FARS2: variants seen among roughly 807,000 people sequenced by gnomAD.
The protein encoded by FARS2 is phenylalanine--tRNA ligase, mitochondrial.
FARS2 carries 40 observed loss-of-function variants against 46.4 expected under a neutral mutation model. The ratio of observed to expected loss-of-function variants is 0.86; its 90% CI spans 0.67 to 1.12. The LOEUF is 1.12. Ranked by LOEUF, FARS2 falls within the 50% of genes most tolerant of loss-of-function variation. The pLI, the probability that FARS2 is intolerant of heterozygous loss-of-function variation, is 0.00. For synonymous variants in FARS2, 234 were observed against 214.9 expected, an observed-to-expected ratio of 1.09 and a Z score of -0.78; for missense variants, 513 against 567.9, an observed-to-expected ratio of 0.90 and a Z score of 0.98.
intron 1 of FARS2, among the ~76,000 whole-genome samples, chr6:5,351,692 G>A (rs2127606937): frequency 6.6e-6 from 1 of 152,238 alleles, no homozygotes; most frequent in Non-Finnish European, 1.5e-5. Context: ...TTTTTTTATA[G>A]CATAAGACAC....
At chr6:5,377,984 C>T (rs1759490637) in intron 2 of FARS2, among the ~76,000 whole-genome samples, 1 of 152,078 alleles carries the variant, frequency 6.6e-6, no homozygotes, top group Non-Finnish European at 1.5e-5. Context: ...ATAAATATTA[C>T]ATAATTAATA....
In FARS2 at chr6:5,586,300, G is replaced by A. The variant is rs544126022; in HGVS notation, c.1066-26869G>A. Among the ~76,000 whole-genome samples the A allele has an allele frequency of 3.9e-5, 6 of 152,194 alleles. No homozygotes were observed. In the South Asian group the frequency reaches 1.2e-3, roughly 32 times the overall value. ...CATCTGTATCTTTTCCTTAATCTTA[G>A]AGGAAAAGCTTTCAGCTTTTCAACT... On this transcript the variant is annotated intron_variant, in intron 5 of 6. Coordinates refer to ENST00000274680, the MANE Select transcript of FARS2 (RefSeq NM_006567.5).
chr6:5,754,951 C>T (rs12528454), intron 6 of FARS2, among the ~76,000 whole-genome samples: 11,757 of 152,244 alleles, frequency 0.077, 778 homozygotes, highest in East Asian at 0.17. Context: ...CTGGAAACTT[C>T]TCAGTCATTG....
chr6:5,688,162 T>C (rs921806899), intron 6 of FARS2, among the ~76,000 whole-genome samples: 23 of 152,368 alleles, frequency 1.5e-4, no homozygotes, highest in African/African-American at 5.5e-4. Flanking sequence ...ACAATTTGAC[T>C]TCCTCTTTTC....
chr6:5,665,806 A>G (rs1778085580), intron 6 of FARS2, among the ~76,000 whole-genome samples: 1 of 152,172 alleles, frequency 6.6e-6, no homozygotes, highest in African/African-American at 2.4e-5. Context: ...CCCTGGAAGG[A>G]CTCAAATTGG....
intron 4 of FARS2, among the ~76,000 whole-genome samples, chr6:5,510,125 T>A (rs1444693247): frequency 6.6e-6 from 1 of 152,144 alleles, no homozygotes; most frequent in African/African-American, 2.4e-5. Context: ...TTTTTGTTTG[T>A]TTGTTTGGTT....
intron 6 of FARS2, among the ~76,000 whole-genome samples, chr6:5,746,062 A>G (rs763357159): frequency 2.0e-5 from 3 of 152,240 alleles, no homozygotes; most frequent in Admixed American, 6.5e-5. Context: ...AGAGTCTTCA[A>G]TTAAAAAGAT....
chr6:5,480,312 A>T (rs1306648502), intron 4 of FARS2, among the ~76,000 whole-genome samples: 1 of 152,238 alleles, frequency 6.6e-6, no homozygotes, highest in Non-Finnish European at 1.5e-5. Context: ...AGTGGAAAGA[A>T]GTGGAGGATG....
chr6:5,731,562 C>CA (rs1760625947), intron 6 of FARS2, among the ~76,000 whole-genome samples: 1 of 152,178 alleles, frequency 6.6e-6, no homozygotes, highest in Admixed American at 6.5e-5. Context: ...TTTTAATGAA[C>CA]AGTTTTATTC....
intron 1 of FARS2, among the ~76,000 whole-genome samples, chr6:5,349,697 T>C (rs532127330): frequency 3.9e-5 from 6 of 152,318 alleles, no homozygotes; most frequent in African/African-American, 1.4e-4. Context: ...CTAATACCCT[T>C]TTTCCATTCC....
rs74778796 is a variant in FARS2, at chr6:5,349,543, A to G, written c.-21-19007A>G. On this transcript the variant is annotated intron_variant, in intron 1 of 6. Coordinates refer to ENST00000274680, the MANE Select transcript of FARS2 (RefSeq NM_006567.5). ...GAGTACTTTTTAGAAATGTATATAA[A>G]TATTTCAGTAATCTTTGTATTTTAC... 8.9e-3 allele frequency among the ~76,000 whole-genome samples: 1,363 copies of G among 152,334 alleles called. 87 individuals are homozygous for G. The highest frequency in any genetic ancestry group is 0.077 in the Admixed American group (1,178 of 15,304).
chr6:5,567,080 A>C (rs1772364796), intron 5 of FARS2, among the ~76,000 whole-genome samples: 1 of 152,260 alleles, frequency 6.6e-6, no homozygotes, highest in Admixed American at 6.5e-5. Flanking sequence ...AACAGTCTAT[A>C]GGTTTACAGT....
At chr6:5,461,597 G>C (rs940970388) in intron 4 of FARS2, among the ~76,000 whole-genome samples, 1 of 152,068 alleles carries the variant, frequency 6.6e-6, no homozygotes, top group South Asian at 2.1e-4. Flanking sequence ...TCTCACTGCT[G>C]TTGCCCAGAC....
At chr6:5,462,795 G>A (rs1205610127) in intron 4 of FARS2, among the ~76,000 whole-genome samples, 2 of 152,134 alleles carry the variant, frequency 1.3e-5, no homozygotes, top group African/African-American at 4.8e-5. Context: ...CTATTCTACT[G>A]CCTTTGTATT....
At chr6:5,645,113 T>C (rs1031982405) in intron 6 of FARS2, among the ~76,000 whole-genome samples, 38 of 152,218 alleles carry the variant, frequency 2.5e-4, no homozygotes, top group African/African-American at 8.7e-4. Flanking sequence ...GCTTAAGTTT[T>C]TATTGGGTTA....
chr6:5,717,935 T>TATAGAGAGAG (rs546191530), intron 6 of FARS2, among the ~76,000 whole-genome samples: 1 of 135,650 alleles, frequency 7.4e-6, no homozygotes, highest in African/African-American at 3.1e-5. Context: ...TATATATATA[T>TATAGAGAGAG]ACAGAGTCTC....
chr6:5,317,283 G>A (rs976126625), intron 1 of FARS2, among the ~76,000 whole-genome samples: 2 of 152,222 alleles, frequency 1.3e-5, no homozygotes, highest in Middle Eastern at 3.4e-3. Flanking sequence ...AAAATCACAA[G>A]GCATGCTAAA....
intron 5 of FARS2, among the ~76,000 whole-genome samples, chr6:5,549,412 A>G (rs1771240949): frequency 6.6e-6 from 1 of 152,140 alleles, no homozygotes. Flanking sequence ...GTTCCCACCT[A>G]TGAGTGAGAA....
At chr6:5,498,039 A>T (rs888689610) in intron 4 of FARS2, among the ~76,000 whole-genome samples, 3 of 152,106 alleles carry the variant, frequency 2.0e-5, no homozygotes, top group Non-Finnish European at 1.5e-5. Flanking sequence ...GCTTTCACCT[A>T]CTGTGCTGGG....
Sources: allele counts gnomAD v4.1 joint callset (sites outside exome capture counted in the v4.1 genomes callset), GRCh38; gene constraint gnomAD v4.1.1; transcripts MANE v1.5; gene names NCBI Gene and HGNC (gene_info 2026-07-23, HGNC 2026-07-21).